Variants in GALNT1 observed in about 807,000 individuals in gnomAD.
GALNT1 encodes GalNAc transferase 1.
Under a neutral mutation model 65.7 loss-of-function variants are expected in GALNT1, and 17 were observed. The observed-to-expected ratio is 0.26, with a 90% CI of 0.18 to 0.39. The LOEUF is 0.39. GALNT1 is among the 10% of genes least tolerant of loss of function. The probability of loss-of-function intolerance (pLI) is 1.00; values close to 1 mark genes in which losing one functional copy is unlikely to be tolerated. For missense variants in GALNT1, 460 were observed against 672.8 expected (o/e 0.68, Z 3.50); for synonymous variants, 210 against 219.7 (o/e 0.96, Z 0.39).
At chr18:35,642,371 C>G (rs886895680) in intron 1 of GALNT1, among the ~76,000 whole-genome samples, 5 of 152,130 alleles carry the variant, frequency 3.3e-5, no homozygotes, top group Admixed American at 3.3e-4. Context: ...GGTTTTTCCA[C>G]TTATAAGCAC....
At chr18:35,662,509 GAAAC>G (rs1340237747) in intron 2 of GALNT1, among the ~76,000 whole-genome samples, 1 of 152,028 alleles carries the variant, frequency 6.6e-6, no homozygotes, top group Non-Finnish European at 1.5e-5. Context: ...ACCACTGGCT[GAAAC>G]AATCACCCTA....
At chr18:35,691,425 GTT>G (rs1262410334) in intron 8 of GALNT1, among the ~76,000 whole-genome samples, 1 of 152,136 alleles carries the variant, frequency 6.6e-6, no homozygotes, top group Non-Finnish European at 1.5e-5. Context: ...GCTAGCCCAG[GTT>G]TTGCAGATGT....
chr18:35,624,625 T>A (rs920266348), intron 1 of GALNT1, among the ~76,000 whole-genome samples: 10 of 152,234 alleles, frequency 6.6e-5, no homozygotes, highest in African/African-American at 2.4e-4. Context: ...TATTTTAAAT[T>A]CCTTTCTCAT....
At chr18:35,696,835 A>G (rs1326268662) in intron 9 of GALNT1, among the ~76,000 whole-genome samples, 2 of 152,202 alleles carry the variant, frequency 1.3e-5, no homozygotes, top group Non-Finnish European at 2.9e-5. Flanking sequence ...TCTAACCAGT[A>G]TTTCCCTTGC....
intron 1 of GALNT1, among the ~76,000 whole-genome samples, chr18:35,619,847 G>A (rs950955483): frequency 1.3e-5 from 2 of 152,180 alleles, no homozygotes; most frequent in South Asian, 2.1e-4. Flanking sequence ...GAGAATCTCT[G>A]TTTAAAGTCT....
At chr18:35,581,496 G>A (rs1279890013), upstream of GALNT1, among the ~76,000 whole-genome samples, 4 of 142,510 alleles carry the variant, frequency 2.8e-5, no homozygotes, top group Non-Finnish European at 6.2e-5. Flanking sequence ...CGCTGCCGCC[G>A]AGCACGCAGC....
intron 9 of GALNT1, among the ~76,000 whole-genome samples, chr18:35,698,183 T>G (rs554643196): frequency 6.6e-6 from 1 of 152,300 alleles, no homozygotes; most frequent in South Asian, 2.1e-4. Flanking sequence ...TTAATTAAAA[T>G]TAGGCCACGC....
chr18:35,642,084 A>G (rs888186346), intron 1 of GALNT1, among the ~76,000 whole-genome samples: 4 of 152,174 alleles, frequency 2.6e-5, no homozygotes, highest in African/African-American at 9.6e-5. Flanking sequence ...AAAGCCTGAA[A>G]TCTTTATCAT....
At chr18:35,626,116 TC>T (rs1238379598) in intron 1 of GALNT1, among the ~76,000 whole-genome samples, 1 of 152,172 alleles carries the variant, frequency 6.6e-6, no homozygotes, top group African/African-American at 2.4e-5. Context: ...CTAGTCATTC[TC>T]CCCACCAGTT....
chr18:35,597,479 A>T (rs912299532), intron 1 of GALNT1: 1 of 152,238 alleles, frequency 6.6e-6, no homozygotes, highest in Non-Finnish European at 1.5e-5. Flanking sequence ...TAGTTTACTT[A>T]TATAAGACAA....
chr18:35,620,640 A>G (rs2046838787), intron 1 of GALNT1, among the ~76,000 whole-genome samples: 1 of 152,214 alleles, frequency 6.6e-6, no homozygotes, highest in African/African-American at 2.4e-5. Flanking sequence ...ATATTAATGG[A>G]ACATATTGTA....
intron 8 of GALNT1, 136 bp downstream of exon 8, chr18:35,691,328 A>T (rs370770883): frequency 1.6e-6 from 1 of 628,614 alleles, no homozygotes; most frequent in Non-Finnish European, 2.6e-6. Context: ...TAAGGAATGA[A>T]TGAAATCACA....
chr18:35,598,599 A>G (rs2046536511), intron 1 of GALNT1, among the ~76,000 whole-genome samples: 2 of 152,186 alleles, frequency 1.3e-5, no homozygotes, highest in East Asian at 1.9e-4. Flanking sequence ...CATTCTATCT[A>G]TGTACCACAT....
intron 3 of GALNT1, among the ~76,000 whole-genome samples, chr18:35,669,629 A>G (rs1313644450): frequency 6.6e-6 from 1 of 152,230 alleles, no homozygotes; most frequent in Non-Finnish European, 1.5e-5. Flanking sequence ...AAAATTTGTC[A>G]CTGTCATGAT....
intron 2 of GALNT1, among the ~76,000 whole-genome samples, chr18:35,658,626 A>G (rs569250564): frequency 6.6e-6 from 1 of 152,236 alleles, no homozygotes; most frequent in African/African-American, 2.4e-5. Flanking sequence ...AAAGAGGATC[A>G]GGGAGAGGGA....
intron 3 of GALNT1, among the ~76,000 whole-genome samples, chr18:35,669,549 C>T (rs974418865): frequency 1.3e-5 from 2 of 152,174 alleles, no homozygotes; most frequent in African/African-American, 4.8e-5. Context: ...CATTTAGATT[C>T]ACCACATTTA....
intron 11 of GALNT1, among the ~76,000 whole-genome samples, chr18:35,707,671 G>A (rs561838454): frequency 6.6e-6 from 1 of 152,328 alleles, no homozygotes; most frequent in African/African-American, 2.4e-5. Flanking sequence ...CACATTTTTA[G>A]AAACTAGGTT....
rs78216903 is a variant in GALNT1, at chr18:35,621,197, G to A, written c.-103-33363G>A. 4.7e-3 allele frequency among the ~76,000 whole-genome samples: 704 copies of A among 149,006 alleles called. 8 individuals carry two copies. The highest frequency in any genetic ancestry group is 0.016 in the African/African-American group (648 of 39,986). On this transcript the variant is annotated intron_variant, in intron 1 of 11. Coordinates refer to ENST00000269195, the MANE Select transcript of GALNT1 (RefSeq NM_020474.4). ...TTTGTTTTATTTATTTTTTTTTTTA[G>A]AGACAAGGTCTCGTTCTGTTGCCCA...
At chr18:35,649,264 A>G (rs1050702275) in intron 1 of GALNT1, among the ~76,000 whole-genome samples, 3 of 152,082 alleles carry the variant, frequency 2.0e-5, no homozygotes, top group Non-Finnish European at 2.9e-5. Flanking sequence ...ATCAGTTCAT[A>G]GTGGTGTTTC....
Sources: allele counts gnomAD v4.1 joint callset (sites outside exome capture counted in the v4.1 genomes callset), GRCh38; gene constraint gnomAD v4.1.1; transcripts MANE v1.5; gene names NCBI Gene and HGNC (gene_info 2026-07-23, HGNC 2026-07-21).